The following C12orf56 variants were observed in gnomAD, a reference collection of about 807,000 sequenced individuals.
C12orf56 encodes the protein chromosome 12 open reading frame 56.
C12orf56 carries 71 observed loss-of-function variants against 69.9 expected under a neutral mutation model. The observed-to-expected ratio is 1.02, with a 90% CI of 0.84 to 1.24. C12orf56 has a LOEUF of 1.24. C12orf56 is among the 50% of genes most tolerant of loss of function. C12orf56 has a pLI of 0.00. For synonymous variants in C12orf56, 276 were observed against 274.1 expected, an observed-to-expected ratio of 1.01 and a Z score of -0.07; for missense variants, 732 against 738.5, an observed-to-expected ratio of 0.99 and a Z score of 0.10.
chr12:64,273,573 C>T (rs56011088), intron 11 of C12orf56, among the ~76,000 whole-genome samples: 7,676 of 152,252 alleles, frequency 0.05, 660 homozygotes, highest in African/African-American at 0.17. Flanking sequence ...TTGTATCAGT[C>T]GTGATGGACT....
chr12:64,370,047 G>A (rs2039549734), intron 1 of C12orf56, among the ~76,000 whole-genome samples: 1 of 151,390 alleles, frequency 6.6e-6, no homozygotes. Context: ...TAAGATGCTG[G>A]CCAGGCATGG....
At chr12:64,270,920 C>A (rs1275571304) in intron 11 of C12orf56, among the ~76,000 whole-genome samples, 1 of 152,210 alleles carries the variant, frequency 6.6e-6, no homozygotes, top group Non-Finnish European at 1.5e-5. Flanking sequence ...GTAATCCCAG[C>A]ACTTTGGGAG....
chr12:64,298,201 C>T (rs2038395061), intron 6 of C12orf56, among the ~76,000 whole-genome samples: 1 of 152,104 alleles, frequency 6.6e-6, no homozygotes, highest in East Asian at 1.9e-4. Flanking sequence ...AGTGTCTGTT[C>T]ATATCCTTTG....
chr12:64,341,547 A>G (rs7976178), intron 2 of C12orf56, among the ~76,000 whole-genome samples: 66,395 of 151,946 alleles, frequency 0.44, 14,858 homozygotes, highest in Admixed American at 0.56. Flanking sequence ...AGCCCACATC[A>G]CACTTCTTTA....
chr12:64,318,499 AGG>A lies in C12orf56; in HGVS notation c.894+74_894+75del. The A allele has an allele frequency of 5.5e-6, 7 of 1,267,176 alleles. No homozygotes were observed. In the South Asian group the frequency reaches 9.9e-5, roughly 18 times the overall value. The allele number at this position is 1,267,176 out of a possible 1,614,324, so 78.5% of individuals were successfully genotyped here. On this transcript the variant is annotated intron_variant, in intron 4 of 12. Coordinates refer to ENST00000543942, the MANE Select transcript of C12orf56 (RefSeq NM_001170633.2). ...AAATTTCCAAAATGGGAGGTAAAGG[AGG>A]GAGGAGGGCTTGTTTGCTCTAAAAA...
intron 4 of C12orf56, among the ~76,000 whole-genome samples, chr12:64,316,618 A>G (rs2038695069): frequency 6.6e-6 from 1 of 152,020 alleles, no homozygotes; most frequent in African/African-American, 2.4e-5. Context: ...ACCCACATTT[A>G]TTTCAATGGT....
chr12:64,320,197 A>C (rs1028554484), intron 3 of C12orf56, among the ~76,000 whole-genome samples: 1 of 152,224 alleles, frequency 6.6e-6, no homozygotes, highest in Non-Finnish European at 1.5e-5. Flanking sequence ...TAATAGAGCT[A>C]TAACACTCAC....
Position 64,303,249 on chromosome 12 carries a change from G to A in C12orf56, c.1113+386C>T, listed in dbSNP as rs1168311296. Reference sequence around the variant, plus strand: ...AGATCGTGCCATTGCACTCCAGCTTGGGCGACAAGAGCAAGACTGTCTCAA... The same window carrying A: ...AGATCGTGCCATTGCACTCCAGCTTAGGCGACAAGAGCAAGACTGTCTCAA... On this transcript the variant is annotated intron_variant, in intron 6 of 12. Coordinates refer to ENST00000543942, the MANE Select transcript of C12orf56 (RefSeq NM_001170633.2). Among the ~76,000 whole-genome samples, 4 of 151,418 alleles carry A rather than the reference G, an allele frequency of 2.6e-5. No individual in the cohort carries two copies. In the East Asian group the frequency reaches 5.8e-4, roughly 22 times the overall value.
intron 2 of C12orf56, among the ~76,000 whole-genome samples, chr12:64,343,089 T>C (rs531951913): frequency 4.9e-4 from 74 of 152,264 alleles, no homozygotes; most frequent in Non-Finnish European, 8.4e-4. Flanking sequence ...AAAATTCAAA[T>C]AGGCCCACTA....
chr12:64,269,919 G>T (rs781175661), intron 12 of C12orf56, among the ~76,000 whole-genome samples: 2 of 152,146 alleles, frequency 1.3e-5, no homozygotes, highest in Non-Finnish European at 2.9e-5. Context: ...CTCACAGCAG[G>T]TTAAAATTAT....
intron 1 of C12orf56, among the ~76,000 whole-genome samples, chr12:64,371,414 A>T (rs993635413): frequency 2.0e-5 from 3 of 152,162 alleles, no homozygotes; most frequent in Middle Eastern, 3.4e-3. Flanking sequence ...ACAAAACCAA[A>T]AACACTGGAT....
rs140681878 is a variant in C12orf56, at chr12:64,353,042, C to T, written c.267G>A (p.Pro89=). 1.8e-4 allele frequency: 297 copies of T among 1,610,352 alleles called. 2 individuals carry two copies. The African/African-American group carries it at 3.0e-3, about 16-fold the overall frequency. Residue 89 remains proline (P), a synonymous_variant, in exon 2 of 13, where the codon CCG becomes CCA. Transcript: ENST00000543942. The part of the protein sequence containing the change: ...VVAIDLIDDY[P]EFLSSPDREI... ...CTCTATCTGGCGAACTCAAAAATTC[C>T]GGGTAATCATCAATCTGGAAAAAAA...
chr12:64,359,142 G>A (rs2039362752), intron 1 of C12orf56, among the ~76,000 whole-genome samples: 1 of 152,102 alleles, frequency 6.6e-6, no homozygotes, highest in African/African-American at 2.4e-5. Flanking sequence ...TGCGAAAGAT[G>A]CCCTCCCTAT....
intron 5 of C12orf56, among the ~76,000 whole-genome samples, chr12:64,307,368 C>CTTTTTTTTTTTTTTTT (rs748644044): frequency 8.7e-6 from 1 of 115,264 alleles, no homozygotes; most frequent in Non-Finnish European, 1.7e-5. Context: ...ATAGTCAGTC[C>CTTTTTTTTTTTTTTTT]TTTTTTTTTT....
chr12:64,337,196 A>C (rs922947344), intron 2 of C12orf56, among the ~76,000 whole-genome samples: 3 of 152,078 alleles, frequency 2.0e-5, no homozygotes, highest in Admixed American at 1.3e-4. Context: ...GTTTTTACTC[A>C]CTTCAGACAC....
At chr12:64,388,460 C>T (rs1282208869) in intron 1 of C12orf56, among the ~76,000 whole-genome samples, 1 of 152,072 alleles carries the variant, frequency 6.6e-6, no homozygotes, top group Admixed American at 6.6e-5. Flanking sequence ...TTACCTAAGT[C>T]TCCAACTCCT....
At chr12:64,274,519 A>G (rs544685707) in intron 11 of C12orf56, among the ~76,000 whole-genome samples, 75 of 152,326 alleles carry the variant, frequency 4.9e-4, no homozygotes, top group Non-Finnish European at 6.3e-4. Context: ...AAATGGTGAT[A>G]ATAGGAACTA....
intron 5 of C12orf56, among the ~76,000 whole-genome samples, chr12:64,308,940 G>GAAGAAAGAAAGAAAAA (rs2038563765): frequency 1.2e-5 from 1 of 80,828 alleles, no homozygotes; most frequent in Non-Finnish European, 2.5e-5. Flanking sequence ...AAGAAAGAAA[G>GAAGAAAGAAAGAAAAA]AAGAAAGAAA....
At position 64,267,528 on chromosome 12, in the gene C12orf56, A is replaced by G. The variant is rs2037931569; in HGVS notation, c.1764-240T>C. ...GACCTAGAAAATCTCTGACATGTGG[A>G]CTGTCCTCACCACAGTATGAGCAGA... On this transcript the variant is annotated intron_variant, in intron 12 of 12. Coordinates refer to ENST00000543942, the MANE Select transcript of C12orf56 (RefSeq NM_001170633.2). 3 of 512,780 alleles carry G rather than the reference A, an allele frequency of 5.9e-6. No individual in the cohort carries two copies. The South Asian group carries it at 6.8e-5, about 12-fold the overall frequency. The allele number at this position is 512,780 out of a possible 1,614,324, so 31.8% of individuals were successfully genotyped here. A position where few individuals can be genotyped will look rare whatever the true frequency, so the allele number is the denominator to read the frequency against.
Sources: allele counts gnomAD v4.1 joint callset (sites outside exome capture counted in the v4.1 genomes callset), GRCh38; gene constraint gnomAD v4.1.1; transcripts MANE v1.5; gene names NCBI Gene and HGNC (gene_info 2026-07-23, HGNC 2026-07-21).